Variants in DCAF16 observed in about 807,000 individuals in gnomAD.
The protein encoded by DCAF16 is DDB1 and CUL4 associated factor 16.
DCAF16 carries 10 observed loss-of-function variants against 17.3 expected under a neutral mutation model. The ratio of observed to expected loss-of-function variants is 0.58; its 90% CI spans 0.36 to 0.98. The LOEUF is 0.98. DCAF16 is among the 50% of genes least tolerant of loss of function. The probability of loss-of-function intolerance (pLI) is 0.01; values close to 1 mark genes in which losing one functional copy is unlikely to be tolerated. For missense variants in DCAF16, 249 were observed against 247.6 expected, an observed-to-expected ratio of 1.01 and a Z score of -0.04; for synonymous variants, 111 against 92.8, an observed-to-expected ratio of 1.20 and a Z score of -1.12.
intron 1 of DCAF16, among the ~76,000 whole-genome samples, chr4:17,807,744 A>T (rs1163450575): frequency 6.6e-6 from 1 of 152,248 alleles, no homozygotes; most frequent in Non-Finnish European, 1.5e-5. Flanking sequence ...TGGCCTTTAA[A>T]GGCATAGCTT....
chr4:17,807,856 A>C (rs1720471139), intron 1 of DCAF16, among the ~76,000 whole-genome samples: 1 of 152,226 alleles, frequency 6.6e-6, no homozygotes, highest in African/African-American at 2.4e-5. Context: ...GAATACACTG[A>C]GTTGTGCTAA....
chr4:17,796,888 T>G (rs1490043357), downstream of DCAF16, among the ~76,000 whole-genome samples: 4 of 152,132 alleles, frequency 2.6e-5, no homozygotes, highest in Non-Finnish European at 4.4e-5. Context: ...TTCTAAGAAA[T>G]AAATAAATAA....
At chr4:17,796,708 A>G (rs1047365856), downstream of DCAF16, among the ~76,000 whole-genome samples, 2 of 152,180 alleles carry the variant, frequency 1.3e-5, no homozygotes, top group African/African-American at 4.8e-5. Context: ...TCCATCTCAC[A>G]ACGACAACAA....
At chr4:17,799,416 T>G (rs1222579129), downstream of DCAF16, among the ~76,000 whole-genome samples, 1 of 152,224 alleles carries the variant, frequency 6.6e-6, no homozygotes, top group African/African-American at 2.4e-5. Flanking sequence ...GTAATCTTAT[T>G]TAGTTTTGCA....
chr4:17,808,957 A>T (rs1238799627), intron 1 of DCAF16, among the ~76,000 whole-genome samples: 8 of 152,130 alleles, frequency 5.3e-5, no homozygotes, highest in Non-Finnish European at 1.0e-4. Context: ...TCAACCCGGG[A>T]GGCAGAGGTT....
At chr4:17,808,542 A>G (rs1436888227) in intron 1 of DCAF16, among the ~76,000 whole-genome samples, 4 of 152,148 alleles carry the variant, frequency 2.6e-5, no homozygotes, top group African/African-American at 9.7e-5. Flanking sequence ...TTGAAAAAAT[A>G]TTTTCAGATT....
chr4:17,796,363 G>T (rs1719427301), downstream of DCAF16, among the ~76,000 whole-genome samples: 1 of 151,652 alleles, frequency 6.6e-6, no homozygotes, highest in Admixed American at 6.6e-5. Context: ...TGTTTTTAAA[G>T]AGTGATATAC....
chr4:17,797,909 A>G (rs1719499618), downstream of DCAF16, among the ~76,000 whole-genome samples: 1 of 152,232 alleles, frequency 6.6e-6, no homozygotes, highest in Non-Finnish European at 1.5e-5. Context: ...TATCAGGCAT[A>G]GGCTGAGCAG....
In DCAF16 at chr4:17,804,202, C is replaced by T; in HGVS notation, c.-61G>A. 1.5e-6 allele frequency: 2 copies of T among 1,344,832 alleles called. No homozygotes were observed. The highest frequency in any genetic ancestry group is 2.1e-6 in the Non-Finnish European group (2 of 971,486). 83.3% of individuals were successfully genotyped at this position (1,344,832 alleles called of 1,614,324 possible). Reference sequence around the variant, plus strand: ...ATAATCTAAGCCAGCAGAACACTGACTAACACTGGCAAATAGAAATAAGAG... The same window carrying T: ...ATAATCTAAGCCAGCAGAACACTGATTAACACTGGCAAATAGAAATAAGAG... On this transcript the variant is annotated 5_prime_UTR_variant, in exon 3 of 3. Transcript: ENST00000382247.
chr4:17,798,609 T>A (rs538438807), downstream of DCAF16, among the ~76,000 whole-genome samples: 192 of 151,736 alleles, frequency 1.3e-3, no homozygotes, highest in Middle Eastern at 3.4e-3. Flanking sequence ...AATAAAAAAA[T>A]AATAATAATA....
intron 1 of DCAF16, among the ~76,000 whole-genome samples, chr4:17,808,672 T>C (rs554105304): frequency 1.8e-4 from 28 of 151,776 alleles, no homozygotes; most frequent in African/African-American, 6.5e-4. Flanking sequence ...AGATGTCTCA[T>C]TCTTCTGTAA....
At chr4:17,795,939 C>G (rs180895301), downstream of DCAF16, among the ~76,000 whole-genome samples, 140 of 152,264 alleles carry the variant, frequency 9.2e-4, 2 homozygotes, top group Admixed American at 7.3e-3. Context: ...TGGGTATAAG[C>G]CCCATTGCCA....
the DCAF16 span, among the ~76,000 whole-genome samples, chr4:17,794,011 C>G: frequency 2.6e-5 from 4 of 152,042 alleles, 1 homozygote; most frequent in East Asian, 7.7e-4. Flanking sequence ...AGAAAAAAAC[C>G]CTGAATCATG....
downstream of DCAF16, among the ~76,000 whole-genome samples, chr4:17,796,383 A>G (rs1308086570): frequency 1.3e-5 from 2 of 151,960 alleles, no homozygotes; most frequent in African/African-American, 4.8e-5. Flanking sequence ...CTTTCCCTTC[A>G]TGGTAAAGAA....
In DCAF16 at chr4:17,803,716, A is replaced by G. The variant is rs1560210429; in HGVS notation, c.426T>C (p.Asn142=). 3 of 1,614,172 alleles carry G rather than the reference A, an allele frequency of 1.9e-6. No homozygotes were observed. The stretch of plus-strand genomic sequence containing the variant: ...GTTTGGTGGCAAATTGCAGTGCTCC[A>G]TTTAGAGTGGCATGATCTCTAGAGA... ...SRLSRDHATL[N]GALQFATKQL... The change falls in exon 3 of 3, where the codon AAT becomes AAC. Residue 142 remains asparagine (N), a synonymous_variant. Transcript: ENST00000382247.
chr4:17,803,436 T>C lies in DCAF16; in HGVS notation c.*55A>G. ...TTAGTGGGCTGTGTAATGACTAACTTTGTACCACTTTCTCAATTAGCAACA... is the reference window on the plus strand; with the variant it reads ...TTAGTGGGCTGTGTAATGACTAACTCTGTACCACTTTCTCAATTAGCAACA... On this transcript the variant is annotated 3_prime_UTR_variant, in exon 3 of 3. Coordinates refer to ENST00000382247, the MANE Select transcript of DCAF16 (RefSeq NM_017741.4). 1 of 1,526,752 alleles carries C rather than the reference T, an allele frequency of 6.5e-7. No individual in the cohort carries two copies. Among genetic ancestry groups the C allele is most frequent in the Non-Finnish European group, 9.0e-7 (1 of 1,113,144 alleles). 94.6% of individuals were successfully genotyped at this position (1,526,752 alleles called of 1,614,324 possible). A position where few individuals can be genotyped will look rare whatever the true frequency, so the allele number is the denominator to read the frequency against.
At chr4:17,809,745 G>A (rs1720696822) in intron 1 of DCAF16, 1 of 152,112 alleles carries the variant, frequency 6.6e-6, no homozygotes, top group African/African-American at 2.4e-5. Flanking sequence ...CATACGCAGA[G>A]GAGTCCCACC....
chr4:17,803,786 C>A lies in DCAF16; in HGVS notation c.356G>T (p.Cys119Phe), dbSNP rs1004785053. 6.2e-7 allele frequency: 1 copy of A among 1,614,154 alleles called. No homozygotes were observed. Among genetic ancestry groups the A allele is most frequent in the South Asian group, 1.1e-5 (1 of 91,086 alleles). Residue 119 changes from cysteine to phenylalanine, a missense_variant, in exon 3 of 3, where the codon TGT becomes TTT. Physicochemically the swap from Cys to Phe is radical, Grantham distance 205 (BLOSUM62 -2). Transcript: ENST00000382247. ...AGGCTTTTGAAAAGGTGGGACTCCACAAGAGGCCAGAGGGGGCCATTCAGG... is the reference window on the plus strand; with the variant it reads ...AGGCTTTTGAAAAGGTGGGACTCCAAAAGAGGCCAGAGGGGGCCATTCAGG... ...PIPEWPPLAS[C>F]GVPPFQKPLT...
downstream of DCAF16, among the ~76,000 whole-genome samples, chr4:17,796,417 A>G (rs932715239): frequency 6.6e-6 from 1 of 152,164 alleles, no homozygotes; most frequent in African/African-American, 2.4e-5. Context: ...ACTGCTTAAA[A>G]CACACACAGA....
Sources: allele counts gnomAD v4.1 joint callset (sites outside exome capture counted in the v4.1 genomes callset), GRCh38; gene constraint gnomAD v4.1.1; transcripts MANE v1.5; gene names NCBI Gene and HGNC (gene_info 2026-07-23, HGNC 2026-07-21).